The following PHF14 variants were observed in gnomAD, a reference collection of about 807,000 sequenced individuals.
PHF14 encodes the protein PHD finger protein 14.
PHF14 carries 55 observed loss-of-function variants against 117.9 expected under a neutral mutation model. That is an observed-to-expected ratio of 0.47 (90% CI 0.38 to 0.58). The LOEUF (loss-of-function observed/expected upper bound fraction) is 0.58. Ranked by LOEUF, PHF14 falls within the 20% of genes least tolerant of loss-of-function variation. PHF14 has a pLI of 0.00. For synonymous variants in PHF14, 409 were observed against 368.6 expected, an observed-to-expected ratio of 1.11 and a Z score of -1.26; for missense variants, 978 against 1,122.2, an observed-to-expected ratio of 0.87 and a Z score of 1.84.
intron 16 of PHF14, among the ~76,000 whole-genome samples, chr7:11,081,591 C>G (rs941392084): frequency 6.6e-6 from 1 of 152,012 alleles, no homozygotes; most frequent in Non-Finnish European, 1.5e-5. Context: ...TCGTGGTGAC[C>G]CACAACTGTA....
intron 6 of PHF14, among the ~76,000 whole-genome samples, chr7:11,026,108 T>TTA (rs1562426593): frequency 1.6e-5 from 2 of 126,064 alleles, no homozygotes; most frequent in Non-Finnish European, 3.2e-5. Flanking sequence ...TGAGACTCCA[T>TTA]CAAAAAAAAA....
At chr7:11,054,567 T>C (rs997705310) in intron 14 of PHF14, among the ~76,000 whole-genome samples, 1 of 152,158 alleles carries the variant, frequency 6.6e-6, no homozygotes, top group Non-Finnish European at 1.5e-5. Context: ...TTTTTACTTA[T>C]TTCTATTTGA....
chr7:10,988,534 G>GTTTTTTTTTTTTTTTTTTTTTTT (rs34658159), intron 3 of PHF14, among the ~76,000 whole-genome samples: 1 of 118,164 alleles, frequency 8.5e-6, no homozygotes, highest in Non-Finnish European at 1.7e-5. Context: ...TTTCTAGTCT[G>GTTTTTTTTTTTTTTTTTTTTTTT]TTTTTTTTTT....
Position 11,117,420 on chromosome 7 carries a change from C to T in PHF14, c.2772+5953C>T, listed in dbSNP as rs117040107. Among the ~76,000 whole-genome samples, 24 of 151,868 alleles carry T rather than the reference C, an allele frequency of 1.6e-4. 1 individual carries two copies. The East Asian group carries it at 4.6e-3, about 29-fold the overall frequency. On this transcript the variant is annotated intron_variant, in intron 17 of 17. Coordinates refer to ENST00000634607, the MANE Select transcript of PHF14 (RefSeq NM_001007157.2). ...AGTCCTTATAGGAGATTTTCTAGAA[C>T]TACAAATGCGTGACAGACTAGCTAA...
chr7:11,022,611 A>T (rs1338427791), intron 5 of PHF14, among the ~76,000 whole-genome samples: 1 of 152,204 alleles, frequency 6.6e-6, no homozygotes, highest in Admixed American at 6.5e-5. Context: ...TTTTAAGTGA[A>T]AGGCAATTAT....
At position 10,982,593 on chromosome 7, in the gene PHF14, A is replaced by G. The variant is rs1480839397; in HGVS notation, c.334A>G (p.Arg112Gly). 9 of 1,509,098 alleles carry G rather than the reference A, an allele frequency of 6.0e-6. No individual in the cohort carries two copies. Among genetic ancestry groups the G allele is most frequent in the Non-Finnish European group, 8.1e-6 (9 of 1,111,426 alleles). The allele number at this position is 1,509,098 out of a possible 1,614,324, so 93.5% of individuals were successfully genotyped here. ...AGAAGAAGAAAATGGAGAAAGACCTAGAAAGAAAAAGGAGAAAGAGAAGGA... is the reference window on the plus strand; with the variant it reads ...AGAAGAAGAAAATGGAGAAAGACCTGGAAAGAAAAAGGAGAAAGAGAAGGA... Reference protein sequence around the residue: ...KEEEENGERPRKKKEKEKEKE... With the variant: ...KEEEENGERPGKKKEKEKEKE... The change falls in exon 3 of 18, where the codon AGA (arginine) becomes GGA (glycine). Residue 112 changes from arginine (R) to glycine (G), a missense_variant. Arg to Gly is a moderately radical substitution (Grantham distance 125, BLOSUM62 -2). This residue lies in a region of PHF14 where 414 missense variants were observed against 376.4 expected (regional missense o/e 1.10). Coordinates refer to ENST00000634607, the MANE Select transcript of PHF14 (RefSeq NM_001007157.2).
intron 7 of PHF14, among the ~76,000 whole-genome samples, chr7:11,029,949 G>T (rs1044803787): frequency 6.6e-6 from 1 of 151,816 alleles, no homozygotes; most frequent in Admixed American, 6.6e-5. Context: ...AAGATACTCT[G>T]ATGAAGAAAA....
intron 3 of PHF14, among the ~76,000 whole-genome samples, chr7:10,990,181 A>T (rs1782399315): frequency 6.6e-6 from 1 of 152,184 alleles, no homozygotes; most frequent in Non-Finnish European, 1.5e-5. Context: ...TAGAGTCCTT[A>T]AGTGTGCCAT....
At chr7:11,026,294 A>C (rs1460758357) in intron 6 of PHF14, among the ~76,000 whole-genome samples, 2 of 152,210 alleles carry the variant, frequency 1.3e-5, no homozygotes, top group African/African-American at 4.8e-5. Flanking sequence ...TTCTTAAATT[A>C]ATGTACTTAA....
chr7:11,080,088 C>T (rs1340790497), intron 16 of PHF14, among the ~76,000 whole-genome samples: 3 of 152,036 alleles, frequency 2.0e-5, no homozygotes, highest in African/African-American at 2.4e-5. Context: ...AGTTATTCCA[C>T]GTAAAATGAG....
chr7:11,135,912 G>T (rs188015157), intron 17 of PHF14, among the ~76,000 whole-genome samples: 1 of 152,234 alleles, frequency 6.6e-6, no homozygotes, highest in Admixed American at 6.5e-5. Context: ...TCAGCTGGCT[G>T]ACCAAGGTAA....
chr7:10,985,026 C>T (rs369365864), intron 3 of PHF14, among the ~76,000 whole-genome samples: 2 of 152,094 alleles, frequency 1.3e-5, no homozygotes, highest in African/African-American at 2.4e-5. Context: ...CCCCTCAATT[C>T]TATTATTCAA....
At chr7:11,078,587 G>T (rs559546681) in intron 16 of PHF14, among the ~76,000 whole-genome samples, 57 of 152,108 alleles carry the variant, frequency 3.7e-4, no homozygotes, top group Non-Finnish European at 6.5e-4. Flanking sequence ...AGAAGAGAAA[G>T]AAATTCAGAA....
At chr7:11,145,328 G>T (rs1462034312) in intron 17 of PHF14, among the ~76,000 whole-genome samples, 3 of 151,750 alleles carry the variant, frequency 2.0e-5, no homozygotes, top group Non-Finnish European at 2.9e-5. Context: ...TTTCAGTGAG[G>T]CTCTAGGAGG....
intron 4 of PHF14, among the ~76,000 whole-genome samples, chr7:11,004,669 T>C (rs1381601183): frequency 2.6e-5 from 4 of 151,828 alleles, no homozygotes; most frequent in Non-Finnish European, 5.9e-5. Context: ...TGTGATTAGA[T>C]TCAGTTTAAA....
Position 11,060,060 on chromosome 7 carries a change from A to G in PHF14, c.2482-1731A>G, listed in dbSNP as rs1785164001. Among the ~76,000 whole-genome samples, 3 of 151,900 alleles carry G rather than the reference A, an allele frequency of 2.0e-5. 1 individual carries two copies. Among genetic ancestry groups the G allele is most frequent in the Admixed American group, 2.0e-4 (3 of 15,230 alleles). On this transcript the variant is annotated intron_variant, in intron 14 of 17. Transcript: ENST00000634607. ...TGATTTTTTCATTTTTATTGTTAGT[A>G]GAGATAAGGTCTCTCTGTGTTGCCC...
intron 17 of PHF14, among the ~76,000 whole-genome samples, chr7:11,121,854 AT>A (rs35794160): frequency 0.029 from 4,268 of 148,510 alleles, 181 homozygotes; most frequent in East Asian, 0.21. Context: ...TATTTCTGGA[AT>A]TTTTTTTTTT....
At chr7:10,979,974 T>G (rs114153973) in intron 2 of PHF14, among the ~76,000 whole-genome samples, 16,923 of 152,064 alleles carry the variant, frequency 0.11, 1,159 homozygotes, top group African/African-American at 0.2. Context: ...CATTAAAAAT[T>G]TTTTAAAAAA....
At chr7:11,123,930 A>C (rs1787848620) in intron 17 of PHF14, among the ~76,000 whole-genome samples, 3 of 152,048 alleles carry the variant, frequency 2.0e-5, no homozygotes, top group South Asian at 4.1e-4. Context: ...AAAAAAAAAA[A>C]CTAGAAAGTA....
Sources: gnomAD v4.1 joint callset for allele counts (sites outside exome capture counted in the v4.1 genomes callset) on GRCh38, gnomAD v4.1.1 for gene constraint, gnomAD v4.1.1 regional missense constraint, MANE v1.5 for transcripts, NCBI Gene and HGNC (gene_info 2026-07-23, HGNC 2026-07-21) for gene names.